CNTFR: variants seen among roughly 807,000 people sequenced by gnomAD.
CNTFR encodes the protein ciliary neurotrophic factor receptor subunit alpha.
Under a neutral mutation model 40.4 loss-of-function variants are expected in CNTFR, and 12 were observed. That is an observed-to-expected ratio of 0.30 (90% CI 0.19 to 0.48). The LOEUF is 0.48. CNTFR is among the 20% of genes least tolerant of loss of function. The pLI, the probability that CNTFR is intolerant of heterozygous loss-of-function variation, is 0.99. For missense variants in CNTFR, 414 were observed against 506.8 expected (o/e 0.82, Z 1.76); for synonymous variants, 202 against 209.6 (o/e 0.96, Z 0.31).
At chr9:34,587,947 A>G (rs1827610356) in intron 1 of CNTFR, among the ~76,000 whole-genome samples, 1 of 152,162 alleles carries the variant, frequency 6.6e-6, no homozygotes. Context: ...ATCCCTGGAT[A>G]TGAGCCCCAC....
At chr9:34,588,487 A>T (rs947735322) in intron 1 of CNTFR, among the ~76,000 whole-genome samples, 19 of 152,240 alleles carry the variant, frequency 1.2e-4, no homozygotes, top group African/African-American at 4.3e-4. Context: ...CACAGACACA[A>T]ATTCACCAAG....
At position 34,568,991 on chromosome 9, in the gene CNTFR, G is replaced by A; in HGVS notation, c.1-10C>T. Reference sequence around the variant, plus strand: ...GGACAGGAGCAGCCATCTGTTGGGAGAAACCGGGGTGGGGGAGGGGTCAGC... The same window carrying A: ...GGACAGGAGCAGCCATCTGTTGGGAAAAACCGGGGTGGGGGAGGGGTCAGC... On this transcript the variant is annotated splice_polypyrimidine_tract_variant and intron_variant, in intron 2 of 9. Coordinates refer to ENST00000378980, the MANE Select transcript of CNTFR (RefSeq NM_147164.3). 6.3e-7 allele frequency: 1 copy of A among 1,582,790 alleles called. No homozygotes were observed. Among genetic ancestry groups the A allele is most frequent in the Non-Finnish European group, 8.6e-7 (1 of 1,164,604 alleles).
intron 2 of CNTFR, among the ~76,000 whole-genome samples, chr9:34,574,134 G>A (rs1344994927): frequency 1.3e-5 from 2 of 152,030 alleles, no homozygotes; most frequent in Non-Finnish European, 2.9e-5. Context: ...CCAGAGGCTT[G>A]GGGGGTGGGG....
At chr9:34,562,775 G>GGTA (rs1378380794) in intron 4 of CNTFR, among the ~76,000 whole-genome samples, 1 of 152,172 alleles carries the variant, frequency 6.6e-6, no homozygotes, top group Non-Finnish European at 1.5e-5. Context: ...CTCTGTTGGT[G>GGTA]GGTACCTCCA....
Position 34,560,351 on chromosome 9 carries a change from G to A in CNTFR, c.320-2367C>T, listed in dbSNP as rs4878580. 4.7e-3 allele frequency among the ~76,000 whole-genome samples: 710 copies of A among 152,314 alleles called. 13 individuals carry two copies. Among genetic ancestry groups the A allele is most frequent in the Admixed American group, 0.038 (587 of 15,300 alleles). ...TGAGACTCTGGGCAGTTGTGTAACT[G>A]TAGGATGGGAGGCTGTGTGGGACTG... On this transcript the variant is annotated intron_variant, in intron 4 of 9. Coordinates refer to ENST00000378980, the MANE Select transcript of CNTFR (RefSeq NM_147164.3).
At chr9:34,587,784 G>A (rs531293050) in intron 1 of CNTFR, among the ~76,000 whole-genome samples, 1 of 152,232 alleles carries the variant, frequency 6.6e-6, no homozygotes, top group South Asian at 2.1e-4. Context: ...TAGGACCCCA[G>A]TGAGATTCTG....
chr9:34,564,971 G>A, intron 3 of CNTFR, 139 bp from the exon 4 acceptor site: 2 of 691,880 alleles, frequency 2.9e-6, no homozygotes, highest in South Asian at 3.5e-5. Context: ...AGTGTTTGGG[G>A]AGATGAAGAG....
intron 1 of CNTFR, among the ~76,000 whole-genome samples, chr9:34,588,289 T>A (rs1827624404): frequency 6.6e-6 from 1 of 152,182 alleles, no homozygotes. Flanking sequence ...TCCCTGGGAA[T>A]CTGCAATGGT....
chr9:34,557,397 C>T lies in CNTFR; in HGVS notation c.604+129G>A. Reference sequence around the variant, plus strand: ...TATGTGCACATATATGTGCACTGTACATACCTGTGCAGAGGCATGTACATG... The same window carrying T: ...TATGTGCACATATATGTGCACTGTATATACCTGTGCAGAGGCATGTACATG... On this transcript the variant is annotated intron_variant, in intron 6 of 9. Coordinates refer to ENST00000378980, the MANE Select transcript of CNTFR (RefSeq NM_147164.3). The surrounding 1 kb of genome is among the most constrained non-coding windows in gnomAD (Gnocchi z 4.2). The T allele has an allele frequency of 1.0e-6, 1 of 991,090 alleles. No individual in the cohort carries two copies. The highest frequency in any genetic ancestry group is 2.2e-5 in the Admixed American group (1 of 45,788). 61.4% of individuals were successfully genotyped at this position (991,090 alleles called of 1,614,324 possible). A position where few individuals can be genotyped will look rare whatever the true frequency, so the allele number is the denominator to read the frequency against.
upstream of CNTFR, chr9:34,589,760 C>G (rs529468282): frequency 1.3e-4 from 20 of 150,958 alleles, no homozygotes; most frequent in African/African-American, 4.6e-4. This position sits in a 1 kb window ranked among gnomAD's most constrained non-coding sequence, Gnocchi z 4.4. Flanking sequence ...TTAACCCCCC[C>G]ATCCTCCTCC....
Position 34,575,516 on chromosome 9 carries a change from G to A in CNTFR, c.-1+5579C>T, listed in dbSNP as rs116844466. ...CAGGGCCCTCCGTGGAGACAAGGAT[G>A]GATAGAATGGCTTTCCAGAGTTGGA... On this transcript the variant is annotated intron_variant, in intron 2 of 9. Transcript: ENST00000378980. Among the ~76,000 whole-genome samples, 123 of 152,224 alleles carry A rather than the reference G, an allele frequency of 8.1e-4. 2 individuals are homozygous for A. The East Asian group carries it at 0.022, about 27-fold the overall frequency.
chr9:34,560,799 G>A (rs948422803), intron 4 of CNTFR, among the ~76,000 whole-genome samples: 2 of 152,224 alleles, frequency 1.3e-5, no homozygotes, highest in African/African-American at 4.8e-5. Flanking sequence ...GGTCCCACGC[G>A]GGGCTGTGTG....
intron 2 of CNTFR, among the ~76,000 whole-genome samples, chr9:34,572,330 T>A (rs1048761336): frequency 6.6e-6 from 1 of 151,952 alleles, no homozygotes; most frequent in Non-Finnish European, 1.5e-5. Flanking sequence ...AGGCCACCCA[T>A]CCCAGGGCAA....
intron 1 of CNTFR, among the ~76,000 whole-genome samples, chr9:34,587,990 C>T (rs1182229073): frequency 1.3e-5 from 2 of 152,124 alleles, no homozygotes; most frequent in Non-Finnish European, 2.9e-5. Context: ...AATGTAAGCC[C>T]CTAGACCCTA....
At chr9:34,590,534 G>A (rs1346988217), upstream of CNTFR, among the ~76,000 whole-genome samples, 4 of 152,342 alleles carry the variant, frequency 2.6e-5, no homozygotes, top group East Asian at 3.9e-4. Context: ...ACCGGGGATG[G>A]ACCCTGCCGG....
intron 4 of CNTFR, among the ~76,000 whole-genome samples, chr9:34,560,523 A>G (rs746934081): frequency 2.0e-5 from 3 of 152,244 alleles, no homozygotes; most frequent in Non-Finnish European, 4.4e-5. Flanking sequence ...GAGCTCATAC[A>G]TGAGGCAGTG....
At chr9:34,586,839 C>T (rs1288881165) in intron 1 of CNTFR, among the ~76,000 whole-genome samples, 1 of 152,184 alleles carries the variant, frequency 6.6e-6, no homozygotes, top group Non-Finnish European at 1.5e-5. Context: ...GTCCTCTCTC[C>T]TCCTCACCTT....
intron 4 of CNTFR, among the ~76,000 whole-genome samples, chr9:34,558,208 CT>C (rs1327621585): frequency 6.6e-6 from 1 of 152,206 alleles, no homozygotes; most frequent in Non-Finnish European, 1.5e-5. Flanking sequence ...GGAACCCCCC[CT>C]CCACCTGCTC....
chr9:34,559,681 G>A (rs1390471540), intron 4 of CNTFR, among the ~76,000 whole-genome samples: 1 of 152,104 alleles, frequency 6.6e-6, no homozygotes, highest in African/African-American at 2.4e-5. Context: ...GGCCAAGCCA[G>A]AGTTGGCAGC....
Sources: allele counts gnomAD v4.1 joint callset (sites outside exome capture counted in the v4.1 genomes callset), GRCh38; gene constraint gnomAD v4.1.1; non-coding constraint Gnocchi (gnomAD v3.1); transcripts MANE v1.5; gene names NCBI Gene and HGNC (gene_info 2026-07-23, HGNC 2026-07-21).